Variants in IGF1R observed in about 807,000 individuals in gnomAD.
IGF1R encodes the protein insulin like growth factor 1 receptor, also known as insulin-like growth factor 1 receptor.
In IGF1R, 44 loss-of-function variants were observed where a neutral mutation model predicts 144.6. The ratio of observed to expected loss-of-function variants is 0.30; its 90% CI spans 0.24 to 0.39. The LOEUF (loss-of-function observed/expected upper bound fraction) is 0.39, where lower values mean the gene tolerates loss of function less well. Ranked by LOEUF, IGF1R falls within the 10% of genes least tolerant of loss-of-function variation. The pLI is 1.00. For synonymous variants in IGF1R, 795 were observed against 722.8 expected, an observed-to-expected ratio of 1.10 and a Z score of -1.60; for missense variants, 1,355 against 1,833.7, an observed-to-expected ratio of 0.74 and a Z score of 4.77.
intron 2 of IGF1R, among the ~76,000 whole-genome samples, chr15:98,790,203 A>G (rs2056097571): frequency 6.6e-6 from 1 of 152,064 alleles, no homozygotes; most frequent in Admixed American, 6.5e-5. Flanking sequence ...GGGGTACTAT[A>G]TGTGCCATAT....
chr15:98,951,655 C>T (rs2016779334), intron 20 of IGF1R, among the ~76,000 whole-genome samples: 2 of 152,198 alleles, frequency 1.3e-5, no homozygotes, highest in South Asian at 4.1e-4. Flanking sequence ...GGAGGCAGAC[C>T]CACTTCCAAG....
In IGF1R at chr15:98,891,303, C is replaced by T. The variant is rs909899031; in HGVS notation, c.641-22C>T. 5.6e-6 allele frequency: 9 copies of T among 1,602,380 alleles called. No homozygotes were observed. The highest frequency in any genetic ancestry group is 4.5e-5 in the East Asian group (2 of 44,840). Reference sequence around the variant, plus strand: ...TGCCTCCCCTGCCCGGTCTCATCTCCGTCTCTCCTCTCTCTCCACAGTGTG... The same window carrying T: ...TGCCTCCCCTGCCCGGTCTCATCTCTGTCTCTCCTCTCTCTCCACAGTGTG... On this transcript the variant is annotated intron_variant, in intron 2 of 20. Coordinates refer to ENST00000650285, the MANE Select transcript of IGF1R (RefSeq NM_000875.5). The surrounding 1 kb of genome is among the most constrained non-coding windows in gnomAD (Gnocchi z 4.7).
chr15:98,902,713 C>A (rs1244176537), intron 5 of IGF1R, among the ~76,000 whole-genome samples: 1 of 152,170 alleles, frequency 6.6e-6, no homozygotes, highest in Non-Finnish European at 1.5e-5. Context: ...CACGCCCGGC[C>A]TTCTTGAACT....
chr15:98,912,537 A>G (rs550181274), intron 7 of IGF1R, among the ~76,000 whole-genome samples: 3 of 152,374 alleles, frequency 2.0e-5, no homozygotes, highest in African/African-American at 7.2e-5. Context: ...TTCACTGAGG[A>G]CTTGATGCTG....
intron 1 of IGF1R, among the ~76,000 whole-genome samples, chr15:98,695,407 A>G (rs1265383680): frequency 6.6e-6 from 1 of 152,174 alleles, no homozygotes; most frequent in Non-Finnish European, 1.5e-5. Context: ...CACCTCTTCA[A>G]TCATATGCAC....
chr15:98,710,288 A>T lies in IGF1R; in HGVS notation c.640+2181A>T, dbSNP rs566393404. Among the ~76,000 whole-genome samples, 103 of 152,250 alleles carry T rather than the reference A, an allele frequency of 6.8e-4. 2 individuals carry two copies. The highest frequency in any genetic ancestry group is 2.1e-4 in the South Asian group (1 of 4,822). ...ATGGAGTACTTATATAAAATTGGTA[A>T]CTGCTTTCCGGGAAATTGACTTCCC... On this transcript the variant is annotated intron_variant, in intron 2 of 20. Coordinates refer to ENST00000650285, the MANE Select transcript of IGF1R (RefSeq NM_000875.5).
At position 98,699,437 on chromosome 15, in the gene IGF1R, T is replaced by C. The variant is rs554636711; in HGVS notation, c.95-8125T>C. ...GCTCTTCTAAGGGTGTTTTTTGAAA[T>C]ATGGAGACCTAGAATATTGGGCTTT... On this transcript the variant is annotated intron_variant, in intron 1 of 20. Transcript: ENST00000650285. Among the ~76,000 whole-genome samples the C allele has an allele frequency of 2.0e-5, 3 of 152,282 alleles. No individual in the cohort carries two copies. In the South Asian group the frequency reaches 6.2e-4, roughly 32 times the overall value.
At chr15:98,754,309 G>A (rs891468544) in intron 2 of IGF1R, among the ~76,000 whole-genome samples, 1 of 152,184 alleles carries the variant, frequency 6.6e-6, no homozygotes, top group South Asian at 2.1e-4. Context: ...GGATTTGGAA[G>A]TAGAGGGCTC....
chr15:98,786,315 G>A (rs2055994416), intron 2 of IGF1R, among the ~76,000 whole-genome samples: 1 of 152,188 alleles, frequency 6.6e-6, no homozygotes, highest in Admixed American at 6.5e-5. Flanking sequence ...TGCAGAGTCA[G>A]AATGATTAGC....
rs773854812 is a variant in IGF1R, at chr15:98,957,132, G to T, written c.3794G>T (p.Ser1265Ile). Residue 1265 changes from serine (S) to isoleucine (I), a missense_variant, in exon 21 of 21, where the codon AGC becomes ATC. Ser to Ile is a moderately radical substitution (Grantham distance 142). This residue lies in a region of IGF1R where 219 missense variants were observed against 188.8 expected (regional missense o/e 1.16). Transcript: ENST00000650285. ...CCTTCCTTCCTGGAGATCATCAGCA[G>T]CATCAAAGAGGAGATGGAGCCTGGC... The part of the protein sequence containing the change: ...MRPSFLEIIS[S>I]IKEEMEPGFR... 3 of 1,614,226 alleles carry T rather than the reference G, an allele frequency of 1.9e-6. No individual in the cohort carries two copies. Among genetic ancestry groups the T allele is most frequent in the Non-Finnish European group, 2.5e-6 (3 of 1,180,036 alleles).
At chr15:98,796,910 G>A (rs974775604) in intron 2 of IGF1R, among the ~76,000 whole-genome samples, 1 of 152,190 alleles carries the variant, frequency 6.6e-6, no homozygotes, top group Non-Finnish European at 1.5e-5. Flanking sequence ...TCTCACTCGC[G>A]ACTCCTGTTG....
intron 1 of IGF1R, among the ~76,000 whole-genome samples, chr15:98,664,958 C>A (rs1201820490): frequency 7.4e-6 from 1 of 135,150 alleles, no homozygotes; most frequent in Non-Finnish European, 1.5e-5. Flanking sequence ...GAACCAGCTT[C>A]ATTTTTTTTT....
At chr15:98,758,112 T>A (rs1034525928) in intron 2 of IGF1R, among the ~76,000 whole-genome samples, 7 of 152,212 alleles carry the variant, frequency 4.6e-5, no homozygotes, top group African/African-American at 1.7e-4. Flanking sequence ...TTCTTATTCC[T>A]TGCTCTTGGG....
intron 2 of IGF1R, among the ~76,000 whole-genome samples, chr15:98,785,495 G>A (rs527502329): frequency 6.6e-6 from 1 of 152,106 alleles, no homozygotes; most frequent in Admixed American, 6.6e-5. Context: ...CATAAGGAAG[G>A]GTAGCAAAAT....
chr15:98,670,917 A>C (rs1357835054), intron 1 of IGF1R, among the ~76,000 whole-genome samples: 1 of 152,160 alleles, frequency 6.6e-6, no homozygotes. Context: ...AACTGGAAAT[A>C]TTTCACAAGC....
chr15:98,961,681 A>C lies in IGF1R; in HGVS notation c.*4239A>C. ...GATGTGAGCATTAAGACGTTCTCCC[A>C]CACAGCCCTTCCCTGAGGCAGCAGG... On this transcript the variant is annotated 3_prime_UTR_variant, in exon 21 of 21. Transcript: ENST00000650285. 4.3e-6 allele frequency: 1 copy of C among 233,700 alleles called. No homozygotes were observed. Among genetic ancestry groups the C allele is most frequent in the Non-Finnish European group, 8.5e-6 (1 of 118,054 alleles). 14.5% of individuals were successfully genotyped at this position (233,700 alleles called of 1,614,324 possible). A position where few individuals can be genotyped will look rare whatever the true frequency, so the allele number is the denominator to read the frequency against.
At chr15:98,658,708 G>T (rs1330833461) in intron 1 of IGF1R, among the ~76,000 whole-genome samples, 1 of 152,066 alleles carries the variant, frequency 6.6e-6, no homozygotes, top group Non-Finnish European at 1.5e-5. Context: ...GAAGGTTTTT[G>T]GGATTTCCCT....
chr15:98,729,563 CTT>C (rs5814895), intron 2 of IGF1R, among the ~76,000 whole-genome samples: 86 of 145,988 alleles, frequency 5.9e-4, no homozygotes, highest in Non-Finnish European at 7.5e-4. Context: ...CCCTAATGTG[CTT>C]TTTTTTTTTT....
Position 98,664,915 on chromosome 15 carries a change from A to G in IGF1R, c.94+15240A>G, listed in dbSNP as rs145411030. Among the ~76,000 whole-genome samples the G allele has an allele frequency of 1.7e-4, 26 of 150,198 alleles. No homozygotes were observed. The East Asian group carries it at 5.1e-3, about 29-fold the overall frequency. ...TGATTCTGATGTTTTGCTCCTAGCT[A>G]CATTTGCCGTTTTTTTTTGACTGCA... On this transcript the variant is annotated intron_variant, in intron 1 of 20. Transcript: ENST00000650285.
Sources: allele counts gnomAD v4.1 joint callset (sites outside exome capture counted in the v4.1 genomes callset), GRCh38; gene constraint gnomAD v4.1.1; regional missense constraint gnomAD v4.1.1; non-coding constraint Gnocchi (gnomAD v3.1); transcripts MANE v1.5; gene names NCBI Gene and HGNC (gene_info 2026-07-23, HGNC 2026-07-21).